KASH5: variants seen among roughly 807,000 people sequenced by gnomAD.
KASH5 encodes the protein KASH domain containing 5, also known as protein KASH5.
Under a neutral mutation model 84.2 loss-of-function variants are expected in KASH5, and 72 were observed. That is an observed-to-expected ratio of 0.85 (90% CI 0.71 to 1.04). KASH5 has a LOEUF of 1.04. Ranked by LOEUF, KASH5 falls within the 50% of genes least tolerant of loss-of-function variation. The probability of loss-of-function intolerance (pLI) is 0.00; values close to 1 mark genes in which losing one functional copy is unlikely to be tolerated. For missense variants in KASH5, 650 were observed against 701.0 expected (o/e 0.93, Z 0.82); for synonymous variants, 260 against 279.1 (o/e 0.93, Z 0.68).
Position 49,395,311 on chromosome 19 carries a change from A to T in KASH5, c.335+19A>T. 1 of 1,608,004 alleles carries T rather than the reference A, an allele frequency of 6.2e-7. No homozygotes were observed. Among genetic ancestry groups the T allele is most frequent in the South Asian group, 1.1e-5 (1 of 90,320 alleles). ...TACATGGGTGAGTCCCCACATCTTC[A>T]TCCTCCTCTGGGAAGTCCTTCCTAA... On this transcript the variant is annotated intron_variant, in intron 4 of 19. Coordinates refer to ENST00000447857, the MANE Select transcript of KASH5 (RefSeq NM_144688.5). The surrounding 1 kb of genome is among the most constrained non-coding windows in gnomAD (Gnocchi z 4.4).
intron 15 of KASH5, among the ~76,000 whole-genome samples, chr19:49,411,914 AGGAG>A (rs1435943348): frequency 9.5e-6 from 1 of 105,282 alleles, no homozygotes; most frequent in African/African-American, 3.5e-5. Flanking sequence ...GAGGGAGGGA[AGGAG>A]GGAAGGAAGG....
At chr19:49,411,271 ATGT>A (rs1974701342) in intron 15 of KASH5, among the ~76,000 whole-genome samples, 2 of 151,938 alleles carry the variant, frequency 1.3e-5, no homozygotes, top group Admixed American at 1.3e-4. Context: ...TTTAAAGAAA[ATGT>A]TGTAAACAGC....
Position 49,399,464 on chromosome 19 carries a change from A to G in KASH5, c.755A>G (p.Glu252Gly), listed in dbSNP as rs763806147. ...CTCTCTGGGGTTGGTCAGGAAAAGG[A>G]GCAGCAGCATCTGGTGGCTGAGATG... ...LLAQARQAEKEQQHLVAEMET... is the reference protein window; with the variant it reads ...LLAQARQAEKGQQHLVAEMET... Residue 252 changes from glutamate to glycine, a missense_variant, in exon 9 of 20, where the codon GAG becomes GGG. Transcript: ENST00000447857. This position sits in a 1 kb window ranked among gnomAD's most constrained non-coding sequence, Gnocchi z 4.4. The G allele has an allele frequency of 3.7e-6, 6 of 1,611,556 alleles. No individual in the cohort carries two copies. The highest frequency in any genetic ancestry group is 1.7e-6 in the Non-Finnish European group (2 of 1,179,002).
chr19:49,413,649 C>T (rs535835400), intron 16 of KASH5, among the ~76,000 whole-genome samples: 2 of 152,248 alleles, frequency 1.3e-5, no homozygotes, highest in Middle Eastern at 3.4e-3. Flanking sequence ...TCTGCGTCAC[C>T]AGAGAAAGGA....
At position 49,414,374 on chromosome 19, in the gene KASH5, G is replaced by A. The variant is rs1326009102; in HGVS notation, c.1329-577G>A. On this transcript the variant is annotated intron_variant, in intron 16 of 19. Transcript: ENST00000447857. The surrounding 1 kb of genome is among the most constrained non-coding windows in gnomAD (Gnocchi z 4.5). Reference sequence around the variant, plus strand: ...ACAGTTGAGTTCTGTGGGCTGGGAGGTCTGAGTTGGAGTCCCAGTCCTCAG... The same window carrying A: ...ACAGTTGAGTTCTGTGGGCTGGGAGATCTGAGTTGGAGTCCCAGTCCTCAG... 6.6e-6 allele frequency among the ~76,000 whole-genome samples: 1 copy of A among 152,080 alleles called. No individual in the cohort carries two copies. Among genetic ancestry groups the A allele is most frequent in the Non-Finnish European group, 1.5e-5 (1 of 67,988 alleles).
chr19:49,413,467 G>A (rs1013813388), intron 16 of KASH5, among the ~76,000 whole-genome samples: 8 of 152,272 alleles, frequency 5.3e-5, no homozygotes, highest in Middle Eastern at 3.4e-3. Flanking sequence ...ACCCTCCTCC[G>A]GGGCCCTGGC....
Position 49,416,225 on chromosome 19 carries a change from G to C in KASH5, c.1375-790G>C, listed in dbSNP as rs1006499002. ...GGTTTTTGTTTTGAGATGGAGTCTT[G>C]CTCTGTCGCCAGGCTGGAGTGCAGT... On this transcript the variant is annotated intron_variant, in intron 17 of 19. Transcript: ENST00000447857. The surrounding 1 kb of genome is among the most constrained non-coding windows in gnomAD (Gnocchi z 5.4). 6.6e-6 allele frequency among the ~76,000 whole-genome samples: 1 copy of C among 152,168 alleles called. No individual in the cohort carries two copies. The highest frequency in any genetic ancestry group is 6.5e-5 in the Admixed American group (1 of 15,274).
chr19:49,409,272 G>T lies in KASH5; in HGVS notation c.1135G>T (p.Ala379Ser). ...LPPSLGLEIE[A>S]IRQKQEVATA... The stretch of plus-strand genomic sequence containing the variant: ...CCCATCGCTGGGCTTGGAGATCGAG[G>T]CCATTCGACAGGTGGGCCTAACACC... The change falls in exon 14 of 20, where the codon GCC becomes TCC. Residue 379 changes from alanine to serine, a missense_variant. Coordinates refer to ENST00000447857, the MANE Select transcript of KASH5 (RefSeq NM_144688.5). The T allele has an allele frequency of 6.2e-7, 1 of 1,613,804 alleles. No individual in the cohort carries two copies. The highest frequency in any genetic ancestry group is 8.5e-7 in the Non-Finnish European group (1 of 1,179,828).
chr19:49,417,842 A>G lies in KASH5; in HGVS notation c.*332A>G. On this transcript the variant is annotated 3_prime_UTR_variant, in exon 20 of 20. Coordinates refer to ENST00000447857, the MANE Select transcript of KASH5 (RefSeq NM_144688.5). This position sits in a 1 kb window ranked among gnomAD's most constrained non-coding sequence, Gnocchi z 5.2. ...TTCTCCTGTCCCCTCCCTCATGCTCAGGAGTTGGCAGTTGTAGCTTCCTAC... is the reference window on the plus strand; with the variant it reads ...TTCTCCTGTCCCCTCCCTCATGCTCGGGAGTTGGCAGTTGTAGCTTCCTAC... The G allele has an allele frequency of 3.6e-6, 1 of 279,394 alleles. No individual in the cohort carries two copies. The highest frequency in any genetic ancestry group is 6.6e-6 in the Non-Finnish European group (1 of 150,442). The allele number at this position is 279,394 out of a possible 1,614,324, so 17.3% of individuals were successfully genotyped here.
Position 49,399,173 on chromosome 19 carries a change from C to A in KASH5, c.747+31C>A. 6.6e-7 allele frequency: 1 copy of A among 1,513,602 alleles called. No individual in the cohort carries two copies. The highest frequency in any genetic ancestry group is 8.9e-7 in the Non-Finnish European group (1 of 1,122,926). 93.8% of individuals were successfully genotyped at this position (1,513,602 alleles called of 1,614,324 possible). A position where few individuals can be genotyped will look rare whatever the true frequency, so the allele number is the denominator to read the frequency against. On this transcript the variant is annotated intron_variant, in intron 8 of 19. Transcript: ENST00000447857. This position sits in a 1 kb window ranked among gnomAD's most constrained non-coding sequence, Gnocchi z 4.4. ...TCTGGCCCAGGGGAAGGAAGGTGCC[C>A]TCTCTCTTCTTTGTTTCCTGGAGTC... is the stretch of plus-strand genomic sequence containing the variant.
chr19:49,415,790 A>G (rs1326801034), intron 17 of KASH5, among the ~76,000 whole-genome samples: 3 of 152,198 alleles, frequency 2.0e-5, no homozygotes, highest in African/African-American at 7.2e-5. Context: ...GTTAAGGACT[A>G]TGTCATAAAG....
chr19:49,395,287 A>G lies in KASH5; in HGVS notation c.330A>G (p.Leu110=), dbSNP rs1974138721. 1 of 1,612,914 alleles carries G rather than the reference A, an allele frequency of 6.2e-7. No homozygotes were observed. Among genetic ancestry groups the G allele is most frequent in the Non-Finnish European group, 8.5e-7 (1 of 1,179,442 alleles). The change falls in exon 4 of 20, where the codon CTA becomes CTG. Residue 110 remains leucine, a synonymous_variant. Coordinates refer to ENST00000447857, the MANE Select transcript of KASH5 (RefSeq NM_144688.5). The surrounding 1 kb of genome is among the most constrained non-coding windows in gnomAD (Gnocchi z 4.4). ...GTGACTGGATTGCTGCCTGTCAACT[A>G]CATGGGTGAGTCCCCACATCTTCAT... is the stretch of plus-strand genomic sequence containing the variant. The part of the protein sequence containing the change: ...VMRDWIAACQ[L]HGGLELEEET...
Position 49,407,255 on chromosome 19 carries a change from T to A in KASH5, c.892T>A (p.Cys298Ser). 1.2e-6 allele frequency: 2 copies of A among 1,613,764 alleles called. No individual in the cohort carries two copies. Among genetic ancestry groups the A allele is most frequent in the East Asian group, 4.5e-5 (2 of 44,882 alleles). ...KDTLKRQLFE[C>S]EHLICQRDTI... ...TTCTTGGCAGCGGCAGCTCTTTGAG[T>A]GTGAACACCTCATTTGCCAAAGAGA... The change falls in exon 11 of 20, where the codon TGT becomes AGT. Residue 298 changes from cysteine (C) to serine (S), a missense_variant. Cys to Ser is a moderately radical substitution (Grantham distance 112, BLOSUM62 -1). Transcript: ENST00000447857.
In KASH5 at chr19:49,395,772, A is replaced by T; in HGVS notation, c.339A>T (p.Gly113=). The T allele has an allele frequency of 6.4e-7, 1 of 1,559,324 alleles. No homozygotes were observed. Among genetic ancestry groups the T allele is most frequent in the Non-Finnish European group, 8.7e-7 (1 of 1,151,888 alleles). ...AAGCCTCATCCCTTTGATACAGGGG[A>T]TTAGAGCTGGAAGAGGAGACCGCCT... is the stretch of plus-strand genomic sequence containing the variant. ...DWIAACQLHG[G]LELEEETAFQ... is the part of the protein sequence containing the mutation. The change falls in exon 5 of 20, where the codon GGA becomes GGT. Residue 113 remains glycine (G), a synonymous_variant. Transcript: ENST00000447857. This position sits in a 1 kb window ranked among gnomAD's most constrained non-coding sequence, Gnocchi z 4.4.
chr19:49,415,142 G>C, intron 17 of KASH5, 146 bp downstream of exon 17: 2 of 809,886 alleles, frequency 2.5e-6, no homozygotes, highest in Admixed American at 2.2e-5. Flanking sequence ...AGATAACAAG[G>C]CCTTTGCTGT....
chr19:49,392,509 G>A (rs1380895406), intron 2 of KASH5, among the ~76,000 whole-genome samples: 1 of 152,196 alleles, frequency 6.6e-6, no homozygotes, highest in Non-Finnish European at 1.5e-5. Flanking sequence ...GAGCCAGCAC[G>A]ACCTGATGCC....
In KASH5 at chr19:49,417,616, G is replaced by A. The variant is rs960065784; in HGVS notation, c.*106G>A. The stretch of plus-strand genomic sequence containing the variant: ...TCCACTGTTGCGCAGGCTTACCCTA[G>A]ATAGAGTACAGGGGATCCACATCCC... On this transcript the variant is annotated 3_prime_UTR_variant, in exon 20 of 20. Transcript: ENST00000447857. The surrounding 1 kb of genome is among the most constrained non-coding windows in gnomAD (Gnocchi z 5.2). 3 of 1,365,342 alleles carry A rather than the reference G, an allele frequency of 2.2e-6. No individual in the cohort carries two copies. Among genetic ancestry groups the A allele is most frequent in the Admixed American group, 5.9e-5 (2 of 34,144 alleles). 84.6% of individuals were successfully genotyped at this position (1,365,342 alleles called of 1,614,324 possible). A position where few individuals can be genotyped will look rare whatever the true frequency, so the allele number is the denominator to read the frequency against.
rs1306364862 is a variant in KASH5 at position 49,390,875 on chromosome 19, G to A, written c.-9G>A. On this transcript the variant is annotated 5_prime_UTR_variant, in exon 2 of 20. Coordinates refer to ENST00000447857, the MANE Select transcript of KASH5 (RefSeq NM_144688.5). Reference sequence around the variant, plus strand: ...TTTGCCAGCAGCTGCGCCGCGGCAGGGGTGGCCCATGGACCTGCCCGAGGG... The same window carrying A: ...TTTGCCAGCAGCTGCGCCGCGGCAGAGGTGGCCCATGGACCTGCCCGAGGG... 6.3e-7 allele frequency: 1 copy of A among 1,591,028 alleles called. No individual in the cohort carries two copies. Among genetic ancestry groups the A allele is most frequent in the African/African-American group, 1.4e-5 (1 of 73,182 alleles).
intron 5 of KASH5, 38 bp from the exon 6 acceptor site, chr19:49,397,613 C>A: frequency 1.2e-6 from 2 of 1,602,398 alleles, no homozygotes; most frequent in East Asian, 2.2e-5. Context: ...TTTAAGGGTT[C>A]CAGGGAAGCC....
Sources: allele counts gnomAD v4.1 joint callset (sites outside exome capture counted in the v4.1 genomes callset), GRCh38; gene constraint gnomAD v4.1.1; non-coding constraint Gnocchi (gnomAD v3.1); transcripts MANE v1.5; gene names NCBI Gene and HGNC (gene_info 2026-07-23, HGNC 2026-07-21).